POM121: variants seen among roughly 807,000 people sequenced by gnomAD.
POM121 encodes nuclear envelope pore membrane protein POM 121.
In POM121, 32 loss-of-function variants were observed where a neutral mutation model predicts 81.3. That is an observed-to-expected ratio of 0.39 (90% CI 0.30 to 0.53). The LOEUF (loss-of-function observed/expected upper bound fraction) is 0.53. Among genes scored for constraint, POM121 ranks in the 20% least tolerant of loss-of-function variants. The pLI, the probability that POM121 is intolerant of heterozygous loss-of-function variation, is 0.66. For synonymous variants in POM121, 514 were observed against 694.2 expected, an observed-to-expected ratio of 0.74 and a Z score of 4.08; for missense variants, 1,138 against 1,614.6, an observed-to-expected ratio of 0.70 and a Z score of 5.06.
At chr7:72,931,634 GA>G (rs1796032508) in intron 5 of POM121, among the ~76,000 whole-genome samples, 1 of 150,028 alleles carries the variant, frequency 6.7e-6, no homozygotes, top group South Asian at 2.1e-4. Context: ...ACAGTGGTGC[GA>G]CCTTGACTCA....
At chr7:72,937,656 T>TTTTCA (rs1796642131) in intron 5 of POM121, among the ~76,000 whole-genome samples, 3 of 152,186 alleles carry the variant, frequency 2.0e-5, no homozygotes, top group African/African-American at 7.2e-5. Context: ...AAGAAATCAC[T>TTTTCA]AGCAGCTTTT....
At chr7:72,944,488 C>A (rs552209412) in intron 11 of POM121, among the ~76,000 whole-genome samples, 1 of 151,958 alleles carries the variant, frequency 6.6e-6, no homozygotes, top group Non-Finnish European at 1.5e-5. Context: ...TGATCAGTTT[C>A]CAGGCAGTTT....
chr7:72,937,716 G>A (rs1399761890), intron 5 of POM121, among the ~76,000 whole-genome samples: 9 of 152,128 alleles, frequency 5.9e-5, no homozygotes, highest in African/African-American at 2.2e-4. Flanking sequence ...TTGTAATTAG[G>A]CTCAGCACTT....
chr7:72,938,726 C>A lies in POM121; in HGVS notation c.1367+45C>A, dbSNP rs376336079. ...AGTTTTCATTTGCTGCGTGGACAGG[C>A]GGGGGTGAGGAAAGGTGGGAAACGA... On this transcript the variant is annotated intron_variant, in intron 6 of 12. Coordinates refer to ENST00000434423, the MANE Select transcript of POM121 (RefSeq NM_001387691.1). 13 of 1,596,578 alleles carry A rather than the reference C, an allele frequency of 8.1e-6. No homozygotes were observed. In the East Asian group the frequency reaches 1.3e-4, roughly 16 times the overall value.
At chr7:72,898,979 C>CTTTTTTTT (rs1176371162) in intron 3 of POM121, among the ~76,000 whole-genome samples, 9 of 34,082 alleles carry the variant, frequency 2.6e-4, no homozygotes, top group Non-Finnish European at 3.4e-4. Context: ...CTTTTCTTTT[C>CTTTTTTTT]TTTTTTTTTT....
At chr7:72,894,749 C>T (rs370121837) in intron 3 of POM121, among the ~76,000 whole-genome samples, 16 of 152,006 alleles carry the variant, frequency 1.1e-4, no homozygotes, top group South Asian at 1.0e-3. Flanking sequence ...GCCTCCAACT[C>T]CTGGACTCAA....
At chr7:72,892,649 C>G (rs1386117637) in intron 3 of POM121, among the ~76,000 whole-genome samples, 2 of 151,622 alleles carry the variant, frequency 1.3e-5, no homozygotes, top group Admixed American at 1.3e-4. Flanking sequence ...CCCTCCCTTC[C>G]TCCCTCCCTC....
In POM121 at chr7:72,943,470, A is replaced by T; in HGVS notation, c.3477A>T (p.Thr1159=). 6.2e-7 allele frequency: 1 copy of T among 1,612,734 alleles called. No homozygotes were observed. Among genetic ancestry groups the T allele is most frequent in the Middle Eastern group, 1.9e-4 (1 of 5,172 alleles). The change falls in exon 11 of 13, where the codon ACA becomes ACT. Residue 1159 remains threonine (T), a synonymous_variant. Coordinates refer to ENST00000434423, the MANE Select transcript of POM121 (RefSeq NM_001387691.1). ...CCCTGGGCACCACCGGCCAGAGCAC[A>T]CCGTTTGCCTTCAACGTGAGCAGCA... is the stretch of plus-strand genomic sequence containing the variant. ...QNALGTTGQS[T]PFAFNVSSTT...
chr7:72,920,480 C>G (rs1794707612), upstream of POM121, among the ~76,000 whole-genome samples: 7 of 151,656 alleles, frequency 4.6e-5, 1 homozygote, highest in South Asian at 1.5e-3. Context: ...TCCCGAGTAG[C>G]TGGGACTACA....
At chr7:72,893,047 C>A (rs1158778664) in intron 3 of POM121, among the ~76,000 whole-genome samples, 1 of 152,054 alleles carries the variant, frequency 6.6e-6, no homozygotes, top group Admixed American at 6.5e-5. Flanking sequence ...TAACCTCTGC[C>A]TCCCAGGTTC....
At position 72,942,810 on chromosome 7, in the gene POM121, G is replaced by C. The variant is rs200274656; in HGVS notation, c.2817G>C (p.Thr939=). The C allele has an allele frequency of 1.0e-5, 15 of 1,466,046 alleles. No homozygotes were observed. The highest frequency in any genetic ancestry group is 4.3e-5 in the African/African-American group (3 of 69,438). The allele number at this position is 1,466,046 out of a possible 1,614,324, so 90.8% of individuals were successfully genotyped here. Residue 939 remains threonine (T), a synonymous_variant, in exon 11 of 13, where the codon ACG becomes ACC. Coordinates refer to ENST00000434423, the MANE Select transcript of POM121 (RefSeq NM_001387691.1). ...APATSSQPTL[T]FSNTSTPTFN... ...CCACCAGCAGCCAGCCCACTCTGAC[G>C]TTCAGTAACACGAGCACCCCCACGT... is the stretch of plus-strand genomic sequence containing the variant.
chr7:72,925,548 A>G lies in POM121; in HGVS notation c.427A>G (p.Lys143Glu), dbSNP rs1457227348. 29 of 1,529,470 alleles carry G rather than the reference A, an allele frequency of 1.9e-5. No individual in the cohort carries two copies. Among genetic ancestry groups the G allele is most frequent in the Non-Finnish European group, 2.5e-5 (29 of 1,144,284 alleles). The allele number at this position is 1,529,470 out of a possible 1,614,324, so 94.7% of individuals were successfully genotyped here. A position where few individuals can be genotyped will look rare whatever the true frequency, so the allele number is the denominator to read the frequency against. ...GCTACTCATGGGCAGTTACCTGGGC[A>G]AGCCCGGGCCGCCGCAGCCCGCCGC... ...ELLLMGSYLG[K>E]PGPPQPAAAP... Residue 143 changes from lysine (K) to glutamate (E), a missense_variant, in exon 1 of 13, where the codon AAG (lysine) becomes GAG (glutamate). This residue lies in a region of POM121 where 646 missense variants were observed against 633.5 expected (regional missense o/e 1.02). Transcript: ENST00000434423.
downstream of POM121, chr7:72,949,882 T>G (rs1797947585): frequency 6.3e-7 from 1 of 1,579,818 alleles, no homozygotes. Flanking sequence ...GTGACTGGTC[T>G]TTATTGCCTG....
At chr7:72,892,773 C>T (rs1554491104) in intron 3 of POM121, among the ~76,000 whole-genome samples, 1 of 152,086 alleles carries the variant, frequency 6.6e-6, no homozygotes, top group African/African-American at 2.4e-5. Flanking sequence ...TCAAGCGATT[C>T]TCCTGCCTCA....
chr7:72,898,992 T>C (rs1792285261), intron 3 of POM121, among the ~76,000 whole-genome samples: 2 of 132,338 alleles, frequency 1.5e-5, no homozygotes, highest in Admixed American at 1.5e-4. Context: ...TTTTTTTTTT[T>C]TTTTTTTTTT....
At position 72,940,984 on chromosome 7, in the gene POM121, C is replaced by T; in HGVS notation, c.1834C>T (p.Pro612Ser). ...KKMQTPPSLP[P>S]CPESAGAATT... is the part of the protein sequence containing the mutation. The stretch of plus-strand genomic sequence containing the variant: ...GATGCAGACTCCCCCGAGCCTGCCA[C>T]CCTGCCCAGGTGAGCTGGAGTGGGG... The change falls in exon 10 of 13, where the codon CCC (proline) becomes TCC (serine). Residue 612 changes from proline (P) to serine (S), a missense_variant. By Grantham distance (74) the Pro-to-Ser change is moderately conservative. Transcript: ENST00000434423. 6.3e-7 allele frequency: 1 copy of T among 1,589,806 alleles called. No individual in the cohort carries two copies. The highest frequency in any genetic ancestry group is 8.5e-7 in the Non-Finnish European group (1 of 1,174,210).
Position 72,891,737 on chromosome 7 carries a change from G to C in POM121, c.-216+627G>C, listed in dbSNP as rs1430581579. ...GAATTGTTTCATTCTGGGGCATTCA[G>C]AAGTCTGACATAAAAATTAACTTGA... is the stretch of plus-strand genomic sequence containing the variant. On this transcript the variant is annotated intron_variant, in intron 3 of 15. Coordinates refer to the POM121 transcript ENST00000395270. Among the ~76,000 whole-genome samples the C allele has an allele frequency of 1.2e-4, 19 of 152,172 alleles. 1 individual carries two copies. The highest frequency in any genetic ancestry group is 2.9e-5 in the Non-Finnish European group (2 of 68,028).
intron 4 of POM121, among the ~76,000 whole-genome samples, chr7:72,914,857 G>C (rs781784567): frequency 1.3e-5 from 2 of 152,078 alleles, no homozygotes; most frequent in African/African-American, 2.4e-5. Context: ...AGTTGTCTCT[G>C]GCCTGCAGTT....
intron 3 of POM121, among the ~76,000 whole-genome samples, chr7:72,927,679 G>T (rs1242824470): frequency 4.6e-5 from 7 of 151,656 alleles, no homozygotes; most frequent in Non-Finnish European, 8.8e-5. Context: ...CCATACTCCA[G>T]CCTGGGTGAC....
Sources: allele counts gnomAD v4.1 joint callset (sites outside exome capture counted in the v4.1 genomes callset), GRCh38; gene constraint gnomAD v4.1.1; regional missense constraint gnomAD v4.1.1; transcripts MANE v1.5; gene names NCBI Gene and HGNC (gene_info 2026-07-23, HGNC 2026-07-21).